PARD3B: variants seen among roughly 807,000 people sequenced by gnomAD.
PARD3B encodes par-3 family cell polarity regulator beta, also known as partitioning defective 3 homolog B.
Under a neutral mutation model 130.2 loss-of-function variants are expected in PARD3B, and 103 were observed. The observed-to-expected ratio is 0.79, with a 90% CI of 0.67 to 0.93. The LOEUF is 0.93. Ranked by LOEUF, PARD3B falls within the 40% of genes least tolerant of loss-of-function variation. PARD3B has a pLI of 0.00. For synonymous variants in PARD3B, 583 were observed against 553.2 expected (o/e 1.05, Z -0.76); for missense variants, 1,609 against 1,499.2 (o/e 1.07, Z -1.21).
chr2:205,038,905 G>A (rs535080560), intron 3 of PARD3B, among the ~76,000 whole-genome samples: 2 of 152,106 alleles, frequency 1.3e-5, no homozygotes, highest in Non-Finnish European at 2.9e-5. Flanking sequence ...GAAAGTTTTT[G>A]ACTTAGTTTC....
In PARD3B at chr2:205,054,401, CTTTT is replaced by C. The variant is rs776576553; in HGVS notation, c.504+6712_504+6715del. Among the ~76,000 whole-genome samples the C allele has an allele frequency of 2.2e-3, 73 of 33,880 alleles. 2 individuals carry two copies. The highest frequency in any genetic ancestry group is 8.5e-3 in the South Asian group (6 of 710). The allele number at this position is 33,880 out of a possible 152,430, so 22.2% of individuals were successfully genotyped here. A position where few individuals can be genotyped will look rare whatever the true frequency, so the allele number is the denominator to read the frequency against. ...AATTAACAAGGTAACCATGACATGT[CTTTT>C]ATATATATATATATATATATATATA... On this transcript the variant is annotated intron_variant, in intron 4 of 22. Coordinates refer to ENST00000406610, the MANE Select transcript of PARD3B (RefSeq NM_001302769.2).
At chr2:205,231,841 TCCTTAAGTATTGCACAG>T (rs1473435411) in intron 15 of PARD3B, among the ~76,000 whole-genome samples, 1 of 152,190 alleles carries the variant, frequency 6.6e-6, no homozygotes, top group African/African-American at 2.4e-5. Flanking sequence ...TGGAGGGTTT[TCCTTAAGTATTGCACAG>T]AGTATTCATC....
At chr2:205,126,537 C>T (rs1301187262) in intron 10 of PARD3B, among the ~76,000 whole-genome samples, 2 of 151,040 alleles carry the variant, frequency 1.3e-5, no homozygotes, top group African/African-American at 2.4e-5. Context: ...GTCAGGAGAT[C>T]GAGACCATCC....
intron 3 of PARD3B, among the ~76,000 whole-genome samples, chr2:204,969,022 C>T (rs1052919213): frequency 6.6e-6 from 1 of 152,202 alleles, no homozygotes; most frequent in Admixed American, 6.5e-5. Context: ...TAGCAAATCA[C>T]TTTCACACTT....
At chr2:204,714,953 G>A (rs563101163) in intron 2 of PARD3B, among the ~76,000 whole-genome samples, 6 of 152,206 alleles carry the variant, frequency 3.9e-5, no homozygotes, top group Admixed American at 3.9e-4. Flanking sequence ...TACAATTAGA[G>A]GTATCCTAAG....
At chr2:205,058,100 T>C (rs1321346811) in intron 4 of PARD3B, among the ~76,000 whole-genome samples, 1 of 151,838 alleles carries the variant, frequency 6.6e-6, no homozygotes, top group Non-Finnish European at 1.5e-5. Flanking sequence ...CACCATTCTG[T>C]TATACTTTTT....
intron 18 of PARD3B, among the ~76,000 whole-genome samples, chr2:205,310,719 C>CTTTTTTT (rs34032930): frequency 1.3e-3 from 106 of 82,580 alleles, no homozygotes; most frequent in African/African-American, 2.3e-3. Context: ...TTCTTTCTTT[C>CTTTTTTT]TTTTTTTTTT....
At chr2:205,415,812 A>G (rs982042658) in intron 19 of PARD3B, among the ~76,000 whole-genome samples, 1 of 152,190 alleles carries the variant, frequency 6.6e-6, no homozygotes, top group Admixed American at 6.6e-5. Context: ...GATATACTGA[A>G]AGATTTTGCC....
At chr2:205,314,920 C>A (rs1279960877) in intron 18 of PARD3B, among the ~76,000 whole-genome samples, 3 of 152,154 alleles carry the variant, frequency 2.0e-5, no homozygotes, top group Admixed American at 6.5e-5. Flanking sequence ...CCCATCTCCA[C>A]CCTTCCGTCA....
intron 18 of PARD3B, among the ~76,000 whole-genome samples, chr2:205,378,475 G>C (rs905459544): frequency 3.9e-5 from 6 of 152,136 alleles, no homozygotes; most frequent in Admixed American, 3.3e-4. Context: ...AAGGCCCAAG[G>C]CTGGCCTGTT....
At chr2:204,973,281 T>C (rs549981222) in intron 3 of PARD3B, among the ~76,000 whole-genome samples, 1 of 152,344 alleles carries the variant, frequency 6.6e-6, no homozygotes, top group South Asian at 2.1e-4. Context: ...TTAAAAAATT[T>C]GTTGAAGTTA....
intron 1 of PARD3B, among the ~76,000 whole-genome samples, chr2:204,594,624 G>A (rs141132004): frequency 1.3e-5 from 2 of 152,276 alleles, no homozygotes; most frequent in East Asian, 1.9e-4. Context: ...GCAGTTGACC[G>A]TAATTGCTAA....
chr2:205,524,866 A>G (rs1341951659), intron 21 of PARD3B, among the ~76,000 whole-genome samples: 2 of 152,118 alleles, frequency 1.3e-5, no homozygotes, highest in Non-Finnish European at 2.9e-5. Context: ...ACTATTTCCA[A>G]TACATACTCC....
chr2:205,501,333 A>G (rs1001415103), intron 21 of PARD3B, among the ~76,000 whole-genome samples: 1 of 152,148 alleles, frequency 6.6e-6, no homozygotes, highest in African/African-American at 2.4e-5. Context: ...ACAAACAGCT[A>G]TTTATTGGTC....
intron 16 of PARD3B, among the ~76,000 whole-genome samples, chr2:205,273,025 C>A (rs1018892027): frequency 1.3e-5 from 2 of 152,086 alleles, no homozygotes; most frequent in African/African-American, 4.8e-5. Flanking sequence ...ATCAGTTTTT[C>A]CCCTAAATTT....
intron 2 of PARD3B, among the ~76,000 whole-genome samples, chr2:204,859,068 T>C (rs1468738642): frequency 6.6e-6 from 1 of 151,968 alleles, no homozygotes; most frequent in Non-Finnish European, 1.5e-5. Context: ...ATGTGAATAC[T>C]TTTACATGAT....
chr2:205,100,149 G>A (rs375712099), intron 4 of PARD3B, among the ~76,000 whole-genome samples: 46 of 152,068 alleles, frequency 3.0e-4, no homozygotes, highest in Middle Eastern at 6.8e-3. Context: ...TTAATCTTGC[G>A]TAATGTTGAT....
rs576222176 is a variant in PARD3B, at chr2:205,527,342, A to AT, written c.3181-25974dup. On this transcript the variant is annotated intron_variant, in intron 21 of 22. Transcript: ENST00000406610. Reference sequence around the variant, plus strand: ...CAAGGGGAAAAAAATAGAAAAAGTCATTTTTTTTACTGCAGTAAGGATTTT... The same window carrying AT: ...CAAGGGGAAAAAAATAGAAAAAGTCATTTTTTTTTACTGCAGTAAGGATTTT... 1.6e-3 allele frequency among the ~76,000 whole-genome samples: 237 copies of AT among 152,052 alleles called. 2 individuals carry two copies. Among genetic ancestry groups the AT allele is most frequent in the African/African-American group, 5.2e-3 (215 of 41,488 alleles).
chr2:205,413,402 C>A (rs1016580066), intron 19 of PARD3B, among the ~76,000 whole-genome samples: 1 of 152,116 alleles, frequency 6.6e-6, no homozygotes, highest in African/African-American at 2.4e-5. Context: ...CTGTTTCTCT[C>A]AGGATCTAAT....
Sources: gnomAD v4.1 joint callset for allele counts (sites outside exome capture counted in the v4.1 genomes callset) on GRCh38, gnomAD v4.1.1 for gene constraint, MANE v1.5 for transcripts, NCBI Gene and HGNC (gene_info 2026-07-23, HGNC 2026-07-21) for gene names.